Variants in OR8H3 observed in about 807,000 individuals in gnomAD.
The protein encoded by OR8H3 is olfactory receptor family 8 subfamily H member 3.
For missense variants in OR8H3, 381 were observed against 370.8 expected, an observed-to-expected ratio of 1.03 and a Z score of -0.23; for synonymous variants, 143 against 136.4, an observed-to-expected ratio of 1.05 and a Z score of -0.34.
In OR8H3 at chr11:56,122,623, C is replaced by T. The variant is rs773822609; in HGVS notation, c.251C>T (p.Ala84Val). ...ACTGTCGTCACACCTAAAACCTTAG[C>T]GAACTTACTGACTTCCAACTATATT... ...YSTVVTPKTL[A>V]NLLTSNYISF... Residue 84 changes from alanine (A) to valine (V), a missense_variant, in exon 1 of 1, where the codon GCG becomes GTG. Transcript: ENST00000313472. 31 of 1,613,988 alleles carry T rather than the reference C, an allele frequency of 1.9e-5. No individual in the cohort carries two copies. In the Admixed American group the frequency reaches 4.8e-4, roughly 25 times the overall value.
rs61746318 is a variant in OR8H3, at chr11:56,122,880, G to A, written c.508G>A (p.Asp170Asn). The change falls in exon 1 of 1, where the codon GAC becomes AAC. Residue 170 changes from aspartate (D) to asparagine (N), a missense_variant. By Grantham distance (23) the Asp-to-Asn change is conservative (BLOSUM62 1). Coordinates refer to ENST00000313472, the MANE Select transcript of OR8H3 (RefSeq NM_001005201.1). ...TTCCATGAGCAGATTGCATTTCTGT[G>A]ACTCAAACATAATTCATCACTTTTT... ...VVSMSRLHFC[D>N]SNIIHHFFCD... 4 of 1,614,060 alleles carry A rather than the reference G, an allele frequency of 2.5e-6. No individual in the cohort carries two copies. The South Asian group carries it at 4.4e-5, about 18-fold the overall frequency.
rs1256511577 is a variant in OR8H3 at position 56,123,252 on chromosome 11, A to C, written c.880A>C (p.Asn294His). ...GAATCCACTCATTTATAGTCTTAGA[A>C]ACAGAGAAGTGAAAAATGCTCTCAT... is the stretch of plus-strand genomic sequence containing the variant. ...MLNPLIYSLR[N>H]REVKNALIRV... The change falls in exon 1 of 1, where the codon AAC (asparagine) becomes CAC (histidine). Residue 294 changes from asparagine to histidine, a missense_variant. Transcript: ENST00000313472. 2 of 1,610,756 alleles carry C rather than the reference A, an allele frequency of 1.2e-6. No homozygotes were observed. Among genetic ancestry groups the C allele is most frequent in the East Asian group, 2.2e-5 (1 of 44,860 alleles).
Position 56,122,391 on chromosome 11 carries a change from G to T in OR8H3, c.19G>T (p.Asp7Tyr), listed in dbSNP as rs148197076. 29 of 1,612,676 alleles carry T rather than the reference G, an allele frequency of 1.8e-5. No homozygotes were observed. In the South Asian group the frequency reaches 2.4e-4, roughly 13 times the overall value. MMGRRNDTNVADFILTG... is the reference protein window; with the variant it reads MMGRRNYTNVADFILTG... ...GGTGAACATGATGGGTAGAAGGAAT[G>T]ACACAAATGTGGCTGACTTCATCCT... is the stretch of plus-strand genomic sequence containing the variant. The change falls in exon 1 of 1, where the codon GAC (aspartate) becomes TAC (tyrosine). Residue 7 changes from aspartate (D) to tyrosine (Y), a missense_variant. Transcript: ENST00000313472.
Position 56,123,120 on chromosome 11 carries a change from A to T in OR8H3, c.748A>T (p.Ile250Phe). The T allele has an allele frequency of 6.2e-7, 1 of 1,614,092 alleles. No homozygotes were observed. Among genetic ancestry groups the T allele is most frequent in the Non-Finnish European group, 8.5e-7 (1 of 1,179,962 alleles). The part of the protein sequence containing the change: ...TCVSHLLGVT[I>F]FYGTMIFTYL... ...CGTCTCTCATCTCTTGGGAGTCACC[A>T]TCTTCTATGGAACTATGATTTTTAC... The change falls in exon 1 of 1, where the codon ATC (isoleucine) becomes TTC (phenylalanine). Residue 250 changes from isoleucine (I) to phenylalanine (F), a missense_variant. Coordinates refer to ENST00000313472, the MANE Select transcript of OR8H3 (RefSeq NM_001005201.1).
rs773822609 is a variant in OR8H3, at chr11:56,122,623, C to A, written c.251C>A (p.Ala84Glu). The A allele has an allele frequency of 6.2e-7, 1 of 1,614,108 alleles. No homozygotes were observed. Among genetic ancestry groups the A allele is most frequent in the South Asian group, 1.1e-5 (1 of 91,080 alleles). ...ACTGTCGTCACACCTAAAACCTTAG[C>A]GAACTTACTGACTTCCAACTATATT... ...YSTVVTPKTL[A>E]NLLTSNYISF... Residue 84 changes from alanine to glutamate, a missense_variant, in exon 1 of 1, where the codon GCG (alanine) becomes GAG (glutamate). Coordinates refer to ENST00000313472, the MANE Select transcript of OR8H3 (RefSeq NM_001005201.1).
chr11:56,122,565 A>G lies in OR8H3; in HGVS notation c.193A>G (p.Thr65Ala), dbSNP rs1252945373. 1 of 1,613,760 alleles carries G rather than the reference A, an allele frequency of 6.2e-7. No individual in the cohort carries two copies. Among genetic ancestry groups the G allele is most frequent in the Non-Finnish European group, 8.5e-7 (1 of 1,179,912 alleles). The change falls in exon 1 of 1, where the codon ACT becomes GCT. Residue 65 changes from threonine (T) to alanine (A), a missense_variant. By Grantham distance (58) the Thr-to-Ala change is moderately conservative. Transcript: ENST00000313472. ...TCACACTCCCATGTATTTTTTCCTT[A>G]CTCACCTGTCATTTATTGACCTCAG... ...QLHTPMYFFLTHLSFIDLSYS... is the reference protein window; with the variant it reads ...QLHTPMYFFLAHLSFIDLSYS...
Position 56,122,799 on chromosome 11 carries a change from G to A in OR8H3, c.427G>A (p.Ala143Thr), listed in dbSNP as rs540879053. The A allele has an allele frequency of 1.6e-5, 26 of 1,613,940 alleles. No individual in the cohort carries two copies. The South Asian group carries it at 2.0e-4, about 12-fold the overall frequency. The change falls in exon 1 of 1, where the codon GCT becomes ACT. Residue 143 changes from alanine (A) to threonine (T), a missense_variant. Transcript: ENST00000313472. ...TVIMPKRLCL[A>T]LITGPYVIGF... ...TATTATGCCCAAAAGGCTCTGCCTC[G>A]CTCTCATCACTGGGCCTTATGTGAT...
Position 56,123,087 on chromosome 11 carries a change from T to C in OR8H3, c.715T>C (p.Ser239Pro). 6.2e-7 allele frequency: 1 copy of C among 1,614,008 alleles called. No individual in the cohort carries two copies. The highest frequency in any genetic ancestry group is 1.1e-5 in the South Asian group (1 of 91,090). ...NSTSGKQKAFSTCVSHLLGVT... is the reference protein window; with the variant it reads ...NSTSGKQKAFPTCVSHLLGVT... ...CACTTCAGGAAAGCAGAAAGCTTTCTCTACTTGCGTCTCTCATCTCTTGGG... is the reference window on the plus strand; with the variant it reads ...CACTTCAGGAAAGCAGAAAGCTTTCCCTACTTGCGTCTCTCATCTCTTGGG... Residue 239 changes from serine (S) to proline (P), a missense_variant, in exon 1 of 1, where the codon TCT (serine) becomes CCT (proline). Coordinates refer to ENST00000313472, the MANE Select transcript of OR8H3 (RefSeq NM_001005201.1).
chr11:56,123,295 G>C lies in OR8H3; in HGVS notation c.923G>C (p.Arg308Thr). ...KNALIRVMQR[R>T]QDSR is the part of the protein sequence containing the mutation. ...GCTCTCATTAGAGTCATGCAGAGAA[G>C]ACAGGACTCCAGGTAGTTAAAATAG... The change falls in exon 1 of 1, where the codon AGA becomes ACA. Residue 308 changes from arginine (R) to threonine (T), a missense_variant. Arg to Thr is a moderately conservative substitution (Grantham distance 71). Coordinates refer to ENST00000313472, the MANE Select transcript of OR8H3 (RefSeq NM_001005201.1). The C allele has an allele frequency of 5.1e-6, 8 of 1,579,022 alleles. No homozygotes were observed. The highest frequency in any genetic ancestry group is 6.9e-6 in the Non-Finnish European group (8 of 1,162,070).
In OR8H3 at chr11:56,123,220, C is replaced by T. The variant is rs1229290105; in HGVS notation, c.848C>T (p.Pro283Leu). The change falls in exon 1 of 1, where the codon CCC becomes CTC. Residue 283 changes from proline (P) to leucine (L), a missense_variant. Physicochemically the swap from Pro to Leu is moderately conservative, Grantham distance 98. Coordinates refer to ENST00000313472, the MANE Select transcript of OR8H3 (RefSeq NM_001005201.1). Reference sequence around the variant, plus strand: ...CCTGTGTTTTATACTATTGTGATTCCCATGCTGAATCCACTCATTTATAGT... The same window carrying T: ...CCTGTGTTTTATACTATTGTGATTCTCATGCTGAATCCACTCATTTATAGT... ...VAPVFYTIVI[P>L]MLNPLIYSLR... 1 of 1,612,980 alleles carries T rather than the reference C, an allele frequency of 6.2e-7. No homozygotes were observed. Among genetic ancestry groups the T allele is most frequent in the African/African-American group, 1.3e-5 (1 of 74,986 alleles).
In OR8H3 at chr11:56,123,105, C is replaced by T. The variant is rs781541118; in HGVS notation, c.733C>T (p.Leu245Phe). ...QKAFSTCVSHLLGVTIFYGTM... is the reference protein window; with the variant it reads ...QKAFSTCVSHFLGVTIFYGTM... ...AGCTTTCTCTACTTGCGTCTCTCAT[C>T]TCTTGGGAGTCACCATCTTCTATGG... The change falls in exon 1 of 1, where the codon CTC becomes TTC. Residue 245 changes from leucine (L) to phenylalanine (F), a missense_variant. Transcript: ENST00000313472. 3.1e-6 allele frequency: 5 copies of T among 1,613,888 alleles called. No homozygotes were observed. The highest frequency in any genetic ancestry group is 3.3e-5 in the Admixed American group (2 of 59,982).
At position 56,122,507 on chromosome 11, in the gene OR8H3, G is replaced by A. The variant is rs766037587; in HGVS notation, c.135G>A (p.Gly45=). 6.2e-7 allele frequency: 1 copy of A among 1,614,100 alleles called. No homozygotes were observed. Among genetic ancestry groups the A allele is most frequent in the Non-Finnish European group, 8.5e-7 (1 of 1,180,022 alleles). The change falls in exon 1 of 1, where the codon GGG becomes GGA. Residue 45 remains glycine, a synonymous_variant. Coordinates refer to ENST00000313472, the MANE Select transcript of OR8H3 (RefSeq NM_001005201.1). ...TAATTACTATGCTGGGGAATGTGGG[G>A]ATGCTATTGATAATCCGCCTGGACC... The part of the protein sequence containing the change: ...IYLITMLGNV[G]MLLIIRLDLQ...
Position 56,122,998 on chromosome 11 carries a change from T to C in OR8H3, c.626T>C (p.Val209Ala). 1 of 1,614,206 alleles carries C rather than the reference T, an allele frequency of 6.2e-7. No individual in the cohort carries two copies. Among genetic ancestry groups the C allele is most frequent in the Non-Finnish European group, 8.5e-7 (1 of 1,180,038 alleles). ...ATTATCGCTGGTTCCACCCTGATGG[T>C]GTCCCTTATCACAATATCTGCATCC... ...IFIIAGSTLM[V>A]SLITISASYV... is the part of the protein sequence containing the mutation. Residue 209 changes from valine (V) to alanine (A), a missense_variant, in exon 1 of 1, where the codon GTG (valine) becomes GCG (alanine). By Grantham distance (64) the Val-to-Ala change is moderately conservative (BLOSUM62 0). Coordinates refer to ENST00000313472, the MANE Select transcript of OR8H3 (RefSeq NM_001005201.1).
chr11:56,122,604 G>C lies in OR8H3; in HGVS notation c.232G>C (p.Val78Leu), dbSNP rs755802863. 6.2e-7 allele frequency: 1 copy of C among 1,614,016 alleles called. No homozygotes were observed. Among genetic ancestry groups the C allele is most frequent in the Admixed American group, 1.7e-5 (1 of 60,000 alleles). Residue 78 changes from valine to leucine, a missense_variant, in exon 1 of 1, where the codon GTC becomes CTC. Val to Leu is a conservative substitution (Grantham distance 32). Coordinates refer to ENST00000313472, the MANE Select transcript of OR8H3 (RefSeq NM_001005201.1). ...TATTGACCTCAGTTACTCAACTGTC[G>C]TCACACCTAAAACCTTAGCGAACTT... ...SFIDLSYSTV[V>L]TPKTLANLLT... is the part of the protein sequence containing the mutation.
chr11:56,122,766 TAC>T lies in OR8H3; in HGVS notation c.398_399del (p.Thr133SerfsTer37), dbSNP rs753765531. 1.2e-6 allele frequency: 2 copies of T among 1,614,170 alleles called. No homozygotes were observed. Among genetic ancestry groups the T allele is most frequent in the Admixed American group, 1.7e-5 (1 of 60,010 alleles). Reference sequence around the variant, plus strand: ...TGCAGCGATCTGCAGTCCTCTACACTACACAGTTATTATGCCCAAAAGGCTCT... The same window carrying T: ...TGCAGCGATCTGCAGTCCTCTACACTACAGTTATTATGCCCAAAAGGCTCT... ...RYAAICSPLHYTVIMPKRLCL... is the reference protein window; with the variant it reads ...RYAAICSPLHXTVIMPKRLCL... On this transcript the variant is annotated frameshift_variant, in exon 1 of 1. Transcript: ENST00000313472. LOFTEE classifies it low-confidence loss of function (END_TRUNC).
At position 56,123,145 on chromosome 11, in the gene OR8H3, CT is replaced by C. The variant is rs752529893; in HGVS notation, c.775del (p.Tyr259ThrfsTer2). ...VTIFYGTMIF[T>X]YLKPRKSYSL... is the part of the protein sequence containing the mutation. ...ATCTTCTATGGAACTATGATTTTTA[CT>C]TACTTAAAGCCAAGAAAGTCTTATT... On this transcript the variant is annotated frameshift_variant, in exon 1 of 1. Transcript: ENST00000313472. LOFTEE classifies it low-confidence loss of function (END_TRUNC). 4.3e-6 allele frequency: 7 copies of C among 1,614,012 alleles called. No homozygotes were observed. Among genetic ancestry groups the C allele is most frequent in the African/African-American group, 1.3e-5 (1 of 75,050 alleles).
At position 56,123,145 on chromosome 11, in the gene OR8H3, C is replaced by T. The variant is rs1023453736; in HGVS notation, c.773C>T (p.Thr258Ile). ...ATCTTCTATGGAACTATGATTTTTACTTACTTAAAGCCAAGAAAGTCTTAT... is the reference window on the plus strand; with the variant it reads ...ATCTTCTATGGAACTATGATTTTTATTTACTTAAAGCCAAGAAAGTCTTAT... The part of the protein sequence containing the change: ...VTIFYGTMIF[T>I]YLKPRKSYSL... The change falls in exon 1 of 1, where the codon ACT (threonine) becomes ATT (isoleucine). Residue 258 changes from threonine to isoleucine, a missense_variant. Transcript: ENST00000313472. The T allele has an allele frequency of 3.1e-6, 5 of 1,613,894 alleles. No homozygotes were observed. In the African/African-American group the frequency reaches 6.7e-5, roughly 22 times the overall value.
rs372312152 is a variant in OR8H3, at chr11:56,122,523, C to T, written c.151C>T (p.Arg51Cys). 220 of 1,613,882 alleles carry T rather than the reference C, an allele frequency of 1.4e-4. No individual in the cohort carries two copies. The highest frequency in any genetic ancestry group is 1.8e-4 in the Non-Finnish European group (209 of 1,179,944). ...LGNVGMLLII[R>C]LDLQLHTPMY... is the part of the protein sequence containing the mutation. ...GAATGTGGGGATGCTATTGATAATCCGCCTGGACCTCCAGCTTCACACTCC... is the reference window on the plus strand; with the variant it reads ...GAATGTGGGGATGCTATTGATAATCTGCCTGGACCTCCAGCTTCACACTCC... The change falls in exon 1 of 1, where the codon CGC becomes TGC. Residue 51 changes from arginine to cysteine, a missense_variant. Coordinates refer to ENST00000313472, the MANE Select transcript of OR8H3 (RefSeq NM_001005201.1).
rs768742706 is a variant in OR8H3 at position 56,122,842 on chromosome 11, T to A, written c.470T>A (p.Phe157Tyr). ...TATGTGATTGGCTTTATGGACTCCT[T>A]TGTCAATGTGGTTTCCATGAGCAGA... Reference protein sequence around the residue: ...GPYVIGFMDSFVNVVSMSRLH... With the variant: ...GPYVIGFMDSYVNVVSMSRLH... The change falls in exon 1 of 1, where the codon TTT (phenylalanine) becomes TAT (tyrosine). Residue 157 changes from phenylalanine (F) to tyrosine (Y), a missense_variant. Transcript: ENST00000313472. 1.9e-6 allele frequency: 3 copies of A among 1,614,048 alleles called. No homozygotes were observed. Among genetic ancestry groups the A allele is most frequent in the Non-Finnish European group, 2.5e-6 (3 of 1,180,020 alleles).
Sources: allele counts gnomAD v4.1 joint callset, GRCh38; gene constraint gnomAD v4.1.1; transcripts MANE v1.5; gene names NCBI Gene and HGNC (gene_info 2026-07-23, HGNC 2026-07-21).